Variants in PCDH9 observed in about 807,000 individuals in gnomAD.
PCDH9 encodes the protein protocadherin 9.
Under a neutral mutation model 70.6 loss-of-function variants are expected in PCDH9, and 24 were observed. The ratio of observed to expected loss-of-function variants is 0.34; its 90% confidence interval spans 0.25 to 0.48. PCDH9 has a LOEUF of 0.48. Among genes scored for constraint, PCDH9 ranks in the 20% least tolerant of loss-of-function variants. The pLI is 0.99. For synonymous variants in PCDH9, 562 were observed against 558.5 expected (o/e 1.01, Z -0.09); for missense variants, 1,281 against 1,503.6 (o/e 0.85, Z 2.45).
chr13:66,415,146 T>G (rs1189510724), intron 4 of PCDH9, among the ~76,000 whole-genome samples: 2 of 152,114 alleles, frequency 1.3e-5, no homozygotes, highest in Non-Finnish European at 2.9e-5. Flanking sequence ...GATATTAATT[T>G]TAAAAACTAG....
At chr13:67,041,524 G>A (rs925614626) in intron 2 of PCDH9, among the ~76,000 whole-genome samples, 1 of 152,072 alleles carries the variant, frequency 6.6e-6, no homozygotes, top group African/African-American at 2.4e-5. Flanking sequence ...CTATGAAACA[G>A]GTACCCTAAG....
chr13:66,959,237 C>CA (rs887835101), intron 2 of PCDH9, among the ~76,000 whole-genome samples: 11 of 151,964 alleles, frequency 7.2e-5, no homozygotes, highest in Middle Eastern at 3.2e-3. Context: ...TTAGAGCCTC[C>CA]AAAAATCTTA....
At chr13:67,017,474 A>G (rs1383714996) in intron 2 of PCDH9, among the ~76,000 whole-genome samples, 1 of 152,198 alleles carries the variant, frequency 6.6e-6, no homozygotes, top group African/African-American at 2.4e-5. Context: ...GATGGGTACC[A>G]GCAGATGGGC....
chr13:66,665,148 C>T (rs2078077868), intron 3 of PCDH9, among the ~76,000 whole-genome samples: 1 of 150,864 alleles, frequency 6.6e-6, no homozygotes, highest in African/African-American at 2.4e-5. Flanking sequence ...CTCTTGTCGC[C>T]CAGGCTGGAG....
At chr13:67,121,118 A>G (rs988308873) in intron 2 of PCDH9, among the ~76,000 whole-genome samples, 9 of 152,232 alleles carry the variant, frequency 5.9e-5, no homozygotes, top group African/African-American at 2.2e-4. Flanking sequence ...AGACATATAA[A>G]CAAAGAGCTA....
chr13:66,522,613 T>C (rs893517777), intron 4 of PCDH9, among the ~76,000 whole-genome samples: 5 of 151,920 alleles, frequency 3.3e-5, no homozygotes, highest in Non-Finnish European at 7.4e-5. Context: ...GAGGTCATGG[T>C]GGTTTGAGAG....
intron 4 of PCDH9, among the ~76,000 whole-genome samples, chr13:66,435,979 G>A (rs1957862409): frequency 6.6e-6 from 1 of 151,980 alleles, no homozygotes; most frequent in Admixed American, 6.6e-5. Context: ...ATGTTAGGAT[G>A]TGAGCAATGC....
At chr13:66,935,529 G>A (rs904944636) in intron 2 of PCDH9, among the ~76,000 whole-genome samples, 11 of 152,084 alleles carry the variant, frequency 7.2e-5, no homozygotes, top group African/African-American at 2.2e-4. Context: ...AAGAAAATAA[G>A]CTCTACCTAG....
intron 3 of PCDH9, among the ~76,000 whole-genome samples, chr13:66,796,102 G>A (rs2080236605): frequency 1.3e-5 from 2 of 152,142 alleles, no homozygotes; most frequent in Admixed American, 1.3e-4. Flanking sequence ...TTAGCACGGT[G>A]TTTGGAAGCA....
At chr13:66,426,122 C>T (rs1957664918) in intron 4 of PCDH9, among the ~76,000 whole-genome samples, 1 of 151,274 alleles carries the variant, frequency 6.6e-6, no homozygotes, top group African/African-American at 2.4e-5. Flanking sequence ...ACATTCATTA[C>T]GGAAAAAAGT....
chr13:66,455,925 C>T (rs1449043521), intron 4 of PCDH9, among the ~76,000 whole-genome samples: 2 of 151,954 alleles, frequency 1.3e-5, no homozygotes, highest in African/African-American at 4.8e-5. Flanking sequence ...AGCCTACAGC[C>T]CATGTTGAAA....
intron 4 of PCDH9, among the ~76,000 whole-genome samples, chr13:66,330,139 A>G (rs1009421166): frequency 6.6e-6 from 1 of 152,342 alleles, no homozygotes; most frequent in East Asian, 1.9e-4. Context: ...CCACTTGCAC[A>G]TGGCATGAAT....
chr13:66,828,228 G>C (rs1189676064), intron 3 of PCDH9, among the ~76,000 whole-genome samples: 1 of 152,126 alleles, frequency 6.6e-6, no homozygotes, highest in African/African-American at 2.4e-5. Context: ...CACAGAATAA[G>C]AAGGTAAATC....
rs1010101619 is a variant in PCDH9 at position 67,049,424 on chromosome 13, C to T, written c.3037-145819G>A. ...ATAACAATAGGGATAAAACCTATTC[C>T]AATCATTGTGGAAAGCTCATCAGAT... is the stretch of plus-strand genomic sequence containing the variant. On this transcript the variant is annotated intron_variant, in intron 2 of 4. Transcript: ENST00000377865. Among the ~76,000 whole-genome samples, 7 of 152,280 alleles carry T rather than the reference C, an allele frequency of 4.6e-5. No individual in the cohort carries two copies. The South Asian group carries it at 1.5e-3, about 32-fold the overall frequency.
chr13:67,040,685 TA>T (rs890096164), intron 2 of PCDH9, among the ~76,000 whole-genome samples: 28 of 151,720 alleles, frequency 1.8e-4, no homozygotes, highest in African/African-American at 5.6e-4. Flanking sequence ...ACATTTAGGT[TA>T]AAAAAAATAT....
At chr13:66,640,462 T>C (rs1462168962) in intron 3 of PCDH9, among the ~76,000 whole-genome samples, 1 of 152,108 alleles carries the variant, frequency 6.6e-6, no homozygotes, top group Non-Finnish European at 1.5e-5. Flanking sequence ...CCCAATTTTA[T>C]ACAATAATTA....
chr13:67,217,873 C>T (rs1237892441), intron 2 of PCDH9: 2 of 152,046 alleles, frequency 1.3e-5, no homozygotes, highest in East Asian at 3.9e-4. Flanking sequence ...TACAAACAAG[C>T]CTGCATCATC....
In PCDH9 at chr13:67,228,413, C is replaced by T; in HGVS notation, c.28G>A (p.Ala10Thr). MDLRDFYLL[A>T]ALIACLRLDS... is the part of the protein sequence containing the mutation. ...AGCCTTAAACAGGCAATCAGAGCAG[C>T]CAACAGGTAAAAATCCCTCAGGTCC... The change falls in exon 2 of 5, where the codon GCT (alanine) becomes ACT (threonine). Residue 10 changes from alanine (A) to threonine (T), a missense_variant. By Grantham distance (58) the Ala-to-Thr change is moderately conservative (BLOSUM62 0). Around this residue, in one of 4 missense-constraint regions of PCDH9, gnomAD observed 798 missense variants for 1,003.1 expected, o/e 0.80. Transcript: ENST00000377865. 2 of 1,591,596 alleles carry T rather than the reference C, an allele frequency of 1.3e-6. No homozygotes were observed. Among genetic ancestry groups the T allele is most frequent in the Non-Finnish European group, 1.7e-6 (2 of 1,170,596 alleles).
At chr13:66,546,476 A>G (rs1961207738) in intron 4 of PCDH9, among the ~76,000 whole-genome samples, 1 of 152,190 alleles carries the variant, frequency 6.6e-6, no homozygotes. Context: ...ATAAAGAAAG[A>G]AAATATTTTT....
Sources: allele counts gnomAD v4.1 joint callset (sites outside exome capture counted in the v4.1 genomes callset), GRCh38; gene constraint gnomAD v4.1.1; regional missense constraint gnomAD v4.1.1; transcripts MANE v1.5; gene names NCBI Gene and HGNC (gene_info 2026-07-23, HGNC 2026-07-21).